The following POLR1A variants were observed in gnomAD, a reference collection of about 807,000 sequenced individuals.
POLR1A encodes the protein RNA polymerase I subunit A.
In POLR1A, 84 loss-of-function variants were observed where a neutral mutation model predicts 205.3. The observed-to-expected ratio is 0.41, with a 90% confidence interval of 0.34 to 0.49. The LOEUF is 0.49. Among genes scored for constraint, POLR1A ranks in the 20% least tolerant of loss-of-function variants. POLR1A has a pLI of 0.22. For synonymous variants in POLR1A, 799 were observed against 863.7 expected (o/e 0.93, Z 1.31); for missense variants, 1,645 against 2,204.5 (o/e 0.75, Z 5.08).
chr2:86,075,798 G>A (rs955881199), intron 11 of POLR1A, among the ~76,000 whole-genome samples: 1 of 152,170 alleles, frequency 6.6e-6, no homozygotes, highest in Non-Finnish European at 1.5e-5. Context: ...GTGAGCCACC[G>A]CGCCCAGCCA....
chr2:86,041,832 C>T, intron 24 of POLR1A, 57 bp downstream of exon 24: 1 of 1,450,458 alleles, frequency 6.9e-7, no homozygotes, highest in South Asian at 1.1e-5. Flanking sequence ...GGCTAGGAGG[C>T]AGGGGCTAGG....
intron 1 of POLR1A, 117 bp downstream of exon 1, chr2:86,105,583 G>A (rs1283976766): frequency 3.0e-6 from 2 of 667,960 alleles, no homozygotes; most frequent in African/African-American, 1.8e-5. Flanking sequence ...AGCAGGACAA[G>A]CGCCAGACAA....
chr2:86,090,297 A>G (rs1201689315), intron 3 of POLR1A, among the ~76,000 whole-genome samples: 1 of 147,646 alleles, frequency 6.8e-6, no homozygotes, highest in South Asian at 2.2e-4. Flanking sequence ...TGGTAGGATG[A>G]TGTGAGGAGA....
intron 13 of POLR1A, chr2:86,065,732 TTC>T (rs1335491108): frequency 2.5e-6 from 1 of 405,042 alleles, no homozygotes; most frequent in African/African-American, 2.1e-5. Flanking sequence ...TCCCCCGGCC[TTC>T]TCTGTTTAAT....
intron 14 of POLR1A, among the ~76,000 whole-genome samples, chr2:86,055,492 A>C (rs183720401): frequency 8.5e-5 from 13 of 152,330 alleles, no homozygotes; most frequent in Non-Finnish European, 1.9e-4. Flanking sequence ...GAAGGCCAGC[A>C]CTGTGCGGTG....
At chr2:86,069,819 A>G (rs1428162921) in intron 13 of POLR1A, among the ~76,000 whole-genome samples, 199 bp downstream of exon 13, 1 of 152,192 alleles carries the variant, frequency 6.6e-6, no homozygotes, top group Non-Finnish European at 1.5e-5. Flanking sequence ...ACATTTTACA[A>G]CGCAGCAAAA....
At chr2:86,030,451 A>C in intron 30 of POLR1A, 55 bp from the exon 31 acceptor site, 7 of 1,309,372 alleles carry the variant, frequency 5.3e-6, no homozygotes, top group Non-Finnish European at 7.7e-6. Flanking sequence ...CCCCACAAAG[A>C]GGACTGAGGC....
chr2:86,098,831 C>G (rs990754069), intron 2 of POLR1A, 71 bp from the exon 3 acceptor site: 1 of 1,462,636 alleles, frequency 6.8e-7, no homozygotes, highest in Non-Finnish European at 9.5e-7. Flanking sequence ...TTTCGGTATA[C>G]TCACAAGTTT....
At chr2:86,058,302 G>C (rs111473390) in intron 14 of POLR1A, among the ~76,000 whole-genome samples, 6,455 of 151,774 alleles carry the variant, frequency 0.043, 261 homozygotes, top group East Asian at 0.23. Flanking sequence ...GGTTTCACCA[G>C]GTTGGTCAGG....
chr2:86,033,371 C>G (rs1672432416), intron 28 of POLR1A, among the ~76,000 whole-genome samples: 3 of 152,258 alleles, frequency 2.0e-5, no homozygotes, highest in Non-Finnish European at 4.4e-5. Context: ...CGAGTCCCTC[C>G]TCAGGATGAA....
intron 6 of POLR1A, among the ~76,000 whole-genome samples, chr2:86,085,776 C>G (rs1353996263): frequency 6.6e-6 from 1 of 152,218 alleles, no homozygotes; most frequent in Non-Finnish European, 1.5e-5. Flanking sequence ...ACAATGCCTT[C>G]TGCCTAGCTG....
intron 17 of POLR1A, 45 bp from the exon 18 acceptor site, chr2:86,049,087 G>C (rs148213038): frequency 1.2e-6 from 2 of 1,612,958 alleles, no homozygotes; most frequent in Admixed American, 3.3e-5. Context: ...GCCAAACGAC[G>C]AGAGTGTGGG....
At chr2:86,067,581 G>A (rs1033939428) in intron 13 of POLR1A, among the ~76,000 whole-genome samples, 10 of 152,140 alleles carry the variant, frequency 6.6e-5, no homozygotes, top group African/African-American at 2.4e-4. Context: ...ACGACAAAAT[G>A]TACTTTAATT....
chr2:86,067,339 C>T (rs1673098814), intron 13 of POLR1A, among the ~76,000 whole-genome samples: 1 of 152,128 alleles, frequency 6.6e-6, no homozygotes, highest in South Asian at 2.1e-4. Context: ...ATCCCTGTAA[C>T]TTGAATTTTC....
At chr2:86,064,223 G>A (rs1018922385) in intron 14 of POLR1A, among the ~76,000 whole-genome samples, 1 of 152,100 alleles carries the variant, frequency 6.6e-6, no homozygotes, top group Non-Finnish European at 1.5e-5. Flanking sequence ...GAATTTGTTT[G>A]TGGGTTAGTC....
chr2:86,068,397 G>GGGGA lies in POLR1A; in HGVS notation c.1866+1620_1866+1621insTCCC, dbSNP rs531431785. 4.6e-5 allele frequency among the ~76,000 whole-genome samples: 5 copies of GGGGA among 107,992 alleles called. 1 individual carries two copies. Among genetic ancestry groups the GGGGA allele is most frequent in the African/African-American group, 1.7e-4 (5 of 28,982 alleles). 70.8% of individuals were successfully genotyped at this position (107,992 alleles called of 152,430 possible). The stretch of plus-strand genomic sequence containing the variant: ...GCCAAGCACATGGGCGGGGGGGGGG[G>GGGGA]GCGGGTGTCGTCCAAAGCTGCTGGG... On this transcript the variant is annotated intron_variant, in intron 13 of 33. Coordinates refer to ENST00000263857, the MANE Select transcript of POLR1A (RefSeq NM_015425.6).
chr2:86,062,212 G>A (rs1379236926), intron 14 of POLR1A, among the ~76,000 whole-genome samples: 5 of 152,076 alleles, frequency 3.3e-5, no homozygotes, highest in Non-Finnish European at 7.4e-5. Flanking sequence ...AGTCACTCTT[G>A]CCCTTTTCAC....
intron 11 of POLR1A, among the ~76,000 whole-genome samples, chr2:86,075,613 A>G (rs1052103937): frequency 6.6e-6 from 1 of 152,038 alleles, no homozygotes; most frequent in Non-Finnish European, 1.5e-5. Flanking sequence ...GGTTCAAGCA[A>G]TTCTCCTGCC....
chr2:86,089,160 C>T (rs896524113), intron 4 of POLR1A, among the ~76,000 whole-genome samples: 1 of 152,222 alleles, frequency 6.6e-6, no homozygotes, highest in Non-Finnish European at 1.5e-5. Flanking sequence ...GCTTGAAATA[C>T]AGCCAGTACT....
Sources: allele counts gnomAD v4.1 joint callset (sites outside exome capture counted in the v4.1 genomes callset), GRCh38; gene constraint gnomAD v4.1.1; transcripts MANE v1.5; gene names NCBI Gene and HGNC (gene_info 2026-07-23, HGNC 2026-07-21).